The following CDH13 variants were observed in gnomAD, a reference collection of about 807,000 sequenced individuals.
CDH13 encodes cadherin 13.
In CDH13, 24 loss-of-function variants were observed where a neutral mutation model predicts 63.8. That is an observed-to-expected ratio of 0.38 (90% CI 0.27 to 0.53). The LOEUF is 0.53. Ranked by LOEUF, CDH13 falls within the 20% of genes least tolerant of loss-of-function variation. The pLI, the probability that CDH13 is intolerant of heterozygous loss-of-function variation, is 0.85. For missense variants in CDH13, 1,049 were observed against 903.1 expected, an observed-to-expected ratio of 1.16 and a Z score of -2.07; for synonymous variants, 503 against 355.3, an observed-to-expected ratio of 1.42 and a Z score of -4.67.
chr16:83,027,473 A>G (rs1401743022), intron 2 of CDH13, among the ~76,000 whole-genome samples: 1 of 152,094 alleles, frequency 6.6e-6, no homozygotes, highest in African/African-American at 2.4e-5. Context: ...ACTATACACA[A>G]AGGGTGGGAC....
At chr16:82,841,859 A>G (rs947525630) in intron 1 of CDH13, among the ~76,000 whole-genome samples, 1 of 152,046 alleles carries the variant, frequency 6.6e-6, no homozygotes, top group African/African-American at 2.4e-5. Flanking sequence ...ACAGTTGTAC[A>G]CAGCTCTTCA....
Position 82,812,525 on chromosome 16 carries a change from G to A in CDH13, c.46-45837G>A, listed in dbSNP as rs534208693. On this transcript the variant is annotated intron_variant, in intron 1 of 13. Coordinates refer to ENST00000567109, the MANE Select transcript of CDH13 (RefSeq NM_001257.5). ...TGCAGGGAAGACAAGCAGAGAGGGT[G>A]CTTCAGTGAGAAGAGAGGAGAGGAG... 8.5e-4 allele frequency among the ~76,000 whole-genome samples: 130 copies of A among 152,156 alleles called. 6 individuals are homozygous for A. The South Asian group carries it at 0.025, about 29-fold the overall frequency.
At chr16:83,210,627 G>A (rs1275730375) in intron 4 of CDH13, among the ~76,000 whole-genome samples, 1 of 152,022 alleles carries the variant, frequency 6.6e-6, no homozygotes, top group East Asian at 1.9e-4. Flanking sequence ...AGGAGCAGAG[G>A]ATAGAGGTTG....
At chr16:83,541,487 A>G (rs1449604519) in intron 7 of CDH13, among the ~76,000 whole-genome samples, 1 of 152,194 alleles carries the variant, frequency 6.6e-6, no homozygotes, top group African/African-American at 2.4e-5. Context: ...ACTCTTGGCC[A>G]TAGTTAGACT....
chr16:83,512,202 T>C (rs887712611), intron 7 of CDH13, among the ~76,000 whole-genome samples: 4 of 151,236 alleles, frequency 2.6e-5, no homozygotes, highest in African/African-American at 9.7e-5. Flanking sequence ...GTGCCTGTAG[T>C]CCCAGCTACT....
chr16:83,413,041 G>A (rs1424181), intron 6 of CDH13, among the ~76,000 whole-genome samples: 151,716 of 152,382 alleles, frequency 1, 75,534 homozygotes, highest in Middle Eastern at 1. Context: ...CACTGTGCAC[G>A]TAGAGTTCTG....
chr16:82,747,520 C>T lies in CDH13; in HGVS notation c.46-110842C>T, dbSNP rs1018487651. Among the ~76,000 whole-genome samples the T allele has an allele frequency of 7.2e-5, 11 of 152,168 alleles. No homozygotes were observed. In the East Asian group the frequency reaches 2.1e-3, roughly 29 times the overall value. Reference sequence around the variant, plus strand: ...CCTGGACCAGCAGCATCTGCATTACCTGAGAACTTATTTGAAATGCAAATT... The same window carrying T: ...CCTGGACCAGCAGCATCTGCATTACTTGAGAACTTATTTGAAATGCAAATT... On this transcript the variant is annotated intron_variant, in intron 1 of 13. Coordinates refer to ENST00000567109, the MANE Select transcript of CDH13 (RefSeq NM_001257.5).
chr16:82,915,537 A>G (rs769781917), intron 2 of CDH13, among the ~76,000 whole-genome samples: 1 of 152,102 alleles, frequency 6.6e-6, no homozygotes, highest in South Asian at 2.1e-4. Flanking sequence ...CCAGGGGGGA[A>G]ATTACAGTCA....
chr16:83,112,886 G>C (rs1370789297), intron 3 of CDH13, among the ~76,000 whole-genome samples: 1 of 152,134 alleles, frequency 6.6e-6, no homozygotes, highest in Non-Finnish European at 1.5e-5. Context: ...ATAATTTCAG[G>C]ATATTTGAGG....
At chr16:83,632,571 G>C (rs1421321669) in intron 8 of CDH13, among the ~76,000 whole-genome samples, 1 of 151,486 alleles carries the variant, frequency 6.6e-6, no homozygotes, top group Non-Finnish European at 1.5e-5. Flanking sequence ...GGTTACAGCA[G>C]GTTATCCTCA....
intron 13 of CDH13, among the ~76,000 whole-genome samples, chr16:83,784,751 T>G (rs961797734): frequency 5.3e-5 from 8 of 152,004 alleles, no homozygotes; most frequent in African/African-American, 1.7e-4. Flanking sequence ...CTGCCTGACT[T>G]GTCTCTGATG....
chr16:83,074,376 T>G (rs962524524), intron 3 of CDH13, among the ~76,000 whole-genome samples: 1 of 152,230 alleles, frequency 6.6e-6, no homozygotes, highest in African/African-American at 2.4e-5. Flanking sequence ...CACAATTTTT[T>G]AATCCGTTAT....
chr16:83,694,663 C>T (rs980957596), intron 10 of CDH13, among the ~76,000 whole-genome samples: 1 of 152,102 alleles, frequency 6.6e-6, no homozygotes, highest in Non-Finnish European at 1.5e-5. Flanking sequence ...GGGCCAGCAA[C>T]CAGGTAAATC....
intron 4 of CDH13, among the ~76,000 whole-genome samples, chr16:83,215,987 A>C (rs4635327): frequency 0.98 from 145,401 of 148,588 alleles, 71,188 homozygotes; most frequent in East Asian, 1. Context: ...TAAAAAGACC[A>C]CCCCCCATAC....
intron 1 of CDH13, among the ~76,000 whole-genome samples, chr16:82,733,439 T>G (rs117249940): frequency 0.013 from 2,001 of 152,336 alleles, 21 homozygotes; most frequent in Non-Finnish European, 0.022. Flanking sequence ...TGACCCAATT[T>G]GTAAACATGA....
At chr16:83,034,543 C>T (rs1005095953) in intron 3 of CDH13, among the ~76,000 whole-genome samples, 1 of 152,172 alleles carries the variant, frequency 6.6e-6, no homozygotes, top group Non-Finnish European at 1.5e-5. Context: ...TGGCAAATAT[C>T]TAAAGCAACA....
intron 2 of CDH13, among the ~76,000 whole-genome samples, chr16:82,902,638 C>A (rs1239981187): frequency 6.6e-6 from 1 of 151,406 alleles, no homozygotes; most frequent in Non-Finnish European, 1.5e-5. Flanking sequence ...TACAACTCTA[C>A]CTATACATTA....
chr16:83,559,555 G>T (rs1277714077), intron 7 of CDH13, among the ~76,000 whole-genome samples: 1 of 142,756 alleles, frequency 7.0e-6, no homozygotes, highest in Admixed American at 6.9e-5. Context: ...TGGGCAACAA[G>T]AGCGAAACTG....
chr16:82,633,245 G>A (rs1170034672), intron 1 of CDH13, among the ~76,000 whole-genome samples: 3 of 152,194 alleles, frequency 2.0e-5, no homozygotes, highest in African/African-American at 7.2e-5. Flanking sequence ...CATGAGTGTT[G>A]CTCCCTCACG....
Sources: allele counts gnomAD v4.1 joint callset (sites outside exome capture counted in the v4.1 genomes callset), GRCh38; gene constraint gnomAD v4.1.1; transcripts MANE v1.5; gene names NCBI Gene and HGNC (gene_info 2026-07-23, HGNC 2026-07-21).